Variants in FGF12 observed in about 807,000 individuals in gnomAD.
FGF12 encodes fibroblast growth factor 12, also known as fibroblast growth factor 12B.
Under a neutral mutation model 23.6 loss-of-function variants are expected in FGF12, and 14 were observed. The ratio of observed to expected loss-of-function variants is 0.59; its 90% confidence interval spans 0.39 to 0.93. The LOEUF is 0.93. Among genes scored for constraint, FGF12 ranks in the 40% least tolerant of loss-of-function variants. The pLI, the probability that FGF12 is intolerant of heterozygous loss-of-function variation, is 0.00. For missense variants in FGF12, 175 were observed against 217.8 expected (o/e 0.80, Z 1.24); for synonymous variants, 62 against 77.3 (o/e 0.80, Z 1.04).
intron 4 of FGF12, among the ~76,000 whole-genome samples, chr3:192,183,387 A>AG (rs1342292163): frequency 6.6e-6 from 1 of 152,162 alleles, no homozygotes; most frequent in Non-Finnish European, 1.5e-5. Flanking sequence ...GTAATCTGCT[A>AG]GATAAACAGT....
chr3:192,670,295 A>T (rs1323408149), intron 2 of FGF12, among the ~76,000 whole-genome samples: 4 of 152,122 alleles, frequency 2.6e-5, no homozygotes, highest in Non-Finnish European at 4.4e-5. Flanking sequence ...TTATAGTAGC[A>T]TGTAATAATT....
intron 4 of FGF12, among the ~76,000 whole-genome samples, chr3:192,304,724 A>G (rs1715527721): frequency 6.6e-6 from 1 of 152,208 alleles, no homozygotes; most frequent in Non-Finnish European, 1.5e-5. Context: ...CAAATCAGTA[A>G]GACTTACTGA....
At chr3:192,432,677 G>A (rs974033223) in intron 2 of FGF12, among the ~76,000 whole-genome samples, 8 of 150,128 alleles carry the variant, frequency 5.3e-5, no homozygotes, top group Admixed American at 5.3e-4. Flanking sequence ...AAGAAAGGAT[G>A]TCAGTCTTGC....
intron 4 of FGF12, among the ~76,000 whole-genome samples, chr3:192,310,872 G>A (rs1715895755): frequency 6.6e-6 from 1 of 152,136 alleles, no homozygotes; most frequent in African/African-American, 2.4e-5. Context: ...GTAAGACACA[G>A]CTTCACAACG....
intron 4 of FGF12, among the ~76,000 whole-genome samples, chr3:192,218,565 A>G (rs1200284323): frequency 6.6e-6 from 1 of 151,900 alleles, no homozygotes; most frequent in African/African-American, 2.4e-5. Flanking sequence ...TCCCCTTCCT[A>G]TGTCAACCAT....
At chr3:192,642,444 A>C (rs1364193492) in intron 2 of FGF12, among the ~76,000 whole-genome samples, 1 of 152,230 alleles carries the variant, frequency 6.6e-6, no homozygotes, top group Non-Finnish European at 1.5e-5. Flanking sequence ...AAAACATAAT[A>C]AAGGATAATA....
intron 2 of FGF12, among the ~76,000 whole-genome samples, chr3:192,712,417 G>A (rs1217554161): frequency 2.0e-5 from 3 of 151,534 alleles, no homozygotes; most frequent in Admixed American, 6.6e-5. Flanking sequence ...ACAGCATAAT[G>A]AGTGAAAATG....
At position 192,166,099 on chromosome 3, in the gene FGF12, G is replaced by A. The variant is rs539682446; in HGVS notation, c.427+4359C>T. Among the ~76,000 whole-genome samples, 69 of 152,292 alleles carry A rather than the reference G, an allele frequency of 4.5e-4. 1 individual carries two copies. Among genetic ancestry groups the A allele is most frequent in the African/African-American group, 1.6e-3 (65 of 41,560 alleles). On this transcript the variant is annotated intron_variant, in intron 5 of 5. Coordinates refer to ENST00000445105, the MANE Select transcript of FGF12 (RefSeq NM_004113.6). ...GAGTATCCCAGCAGCGAGGAGAAAGGTTTCAATGTCCAGTGGATTAATGCC... is the reference window on the plus strand; with the variant it reads ...GAGTATCCCAGCAGCGAGGAGAAAGATTTCAATGTCCAGTGGATTAATGCC...
chr3:192,194,913 C>T (rs1560187551), intron 4 of FGF12, among the ~76,000 whole-genome samples: 1 of 152,152 alleles, frequency 6.6e-6, no homozygotes, highest in Non-Finnish European at 1.5e-5. Flanking sequence ...CAAGGATTTA[C>T]AAGATACCTG....
chr3:192,379,187 G>C (rs1719706825), intron 2 of FGF12, among the ~76,000 whole-genome samples: 1 of 152,062 alleles, frequency 6.6e-6, no homozygotes, highest in Non-Finnish European at 1.5e-5. Context: ...GTATGACTTT[G>C]CTATTGTGAA....
rs1724761597 is a variant in FGF12, at chr3:192,519,492, T to C, written c.14-158954A>G. Reference sequence around the variant, plus strand: ...TGTCAGTTAGTGGTATTAACCTTGATTGCCTGGTTAAAGTTATGTCTACTA... The same window carrying C: ...TGTCAGTTAGTGGTATTAACCTTGACTGCCTGGTTAAAGTTATGTCTACTA... On this transcript the variant is annotated intron_variant, in intron 2 of 5. Transcript: ENST00000445105. Among the ~76,000 whole-genome samples, 3 of 152,188 alleles carry C rather than the reference T, an allele frequency of 2.0e-5. No homozygotes were observed. In the South Asian group the frequency reaches 6.2e-4, roughly 32 times the overall value.
intron 3 of FGF12, among the ~76,000 whole-genome samples, chr3:192,352,211 A>G (rs1718254949): frequency 6.6e-6 from 1 of 152,180 alleles, no homozygotes. Flanking sequence ...TCCCTATTAT[A>G]TTAGGAGTCA....
chr3:192,632,697 G>GTAA (rs1027200509), intron 2 of FGF12, among the ~76,000 whole-genome samples: 1 of 152,164 alleles, frequency 6.6e-6, no homozygotes, highest in African/African-American at 2.4e-5. Context: ...ACTCTCAGAG[G>GTAA]TAAAAATCAT....
intron 2 of FGF12, among the ~76,000 whole-genome samples, chr3:192,412,892 T>C (rs1250239952): frequency 6.6e-6 from 1 of 152,220 alleles, no homozygotes; most frequent in Non-Finnish European, 1.5e-5. Flanking sequence ...TAAAGGGTTA[T>C]GTCCCAGGGA....
chr3:192,314,192 C>G (rs1242422336), intron 4 of FGF12, among the ~76,000 whole-genome samples: 2 of 152,044 alleles, frequency 1.3e-5, no homozygotes, highest in Non-Finnish European at 2.9e-5. Flanking sequence ...TTTAAGCCAA[C>G]CAGTCTGTGA....
intron 2 of FGF12, among the ~76,000 whole-genome samples, chr3:192,370,679 TA>T (rs1472143471): frequency 1.8e-4 from 27 of 152,208 alleles, no homozygotes; most frequent in African/African-American, 6.5e-4. Flanking sequence ...GGTAGTATTT[TA>T]CAAAGTCAAA....
intron 2 of FGF12, among the ~76,000 whole-genome samples, chr3:192,662,288 T>A (rs1053501187): frequency 2.0e-5 from 3 of 152,212 alleles, no homozygotes; most frequent in Non-Finnish European, 2.9e-5. Flanking sequence ...AAAAGGCAGG[T>A]TTGCTTTGGT....
At chr3:192,581,154 C>T (rs1222508207) in intron 2 of FGF12, among the ~76,000 whole-genome samples, 1 of 151,852 alleles carries the variant, frequency 6.6e-6, no homozygotes, top group Non-Finnish European at 1.5e-5. Context: ...TAATTGTTAT[C>T]ATTAAACATT....
intron 5 of FGF12, among the ~76,000 whole-genome samples, chr3:192,160,216 C>T (rs140837741): frequency 2.0e-4 from 30 of 152,240 alleles, no homozygotes; most frequent in African/African-American, 6.7e-4. Context: ...CAATTCTGCT[C>T]AAAATCTATA....
Sources: allele counts gnomAD v4.1 joint callset (sites outside exome capture counted in the v4.1 genomes callset), GRCh38; gene constraint gnomAD v4.1.1; transcripts MANE v1.5; gene names NCBI Gene and HGNC (gene_info 2026-07-23, HGNC 2026-07-21).